NRXN1: variants seen among roughly 807,000 people sequenced by gnomAD.
The protein encoded by NRXN1 is neurexin 1.
NRXN1 carries 39 observed loss-of-function variants against 150.9 expected under a neutral mutation model. The ratio of observed to expected loss-of-function variants is 0.26; its 90% CI spans 0.20 to 0.34. The LOEUF is 0.34. NRXN1 is among the 10% of genes least tolerant of loss of function. NRXN1 has a pLI of 1.00. For synonymous variants in NRXN1, 924 were observed against 757.0 expected, an observed-to-expected ratio of 1.22 and a Z score of -3.62; for missense variants, 1,815 against 1,949.9, an observed-to-expected ratio of 0.93 and a Z score of 1.30.
chr2:50,845,373 C>G (rs1056318020), intron 5 of NRXN1, among the ~76,000 whole-genome samples: 75 of 152,164 alleles, frequency 4.9e-4, no homozygotes, highest in African/African-American at 1.5e-3. Flanking sequence ...TCACATCAGT[C>G]TTATCTGGTA....
At chr2:50,502,461 C>T (rs35874387) in intron 13 of NRXN1, among the ~76,000 whole-genome samples, 78 of 151,788 alleles carry the variant, frequency 5.1e-4, no homozygotes, top group African/African-American at 1.8e-3. Context: ...CACACGCATA[C>T]CCACACACAC....
chr2:50,677,294 T>G (rs1689693210), intron 5 of NRXN1, among the ~76,000 whole-genome samples: 1 of 152,172 alleles, frequency 6.6e-6, no homozygotes, highest in African/African-American at 2.4e-5. Flanking sequence ...CCAACATAAT[T>G]GATATTCTCT....
intron 5 of NRXN1, among the ~76,000 whole-genome samples, chr2:50,756,593 G>A (rs1354245963): frequency 6.6e-6 from 1 of 151,762 alleles, no homozygotes; most frequent in Non-Finnish European, 1.5e-5. Flanking sequence ...CGTGTGCATT[G>A]CAGAATTATT....
At chr2:50,980,904 T>C (rs1407827282) in intron 2 of NRXN1, among the ~76,000 whole-genome samples, 1 of 152,066 alleles carries the variant, frequency 6.6e-6, no homozygotes, top group Non-Finnish European at 1.5e-5. Context: ...TAAATCTCAA[T>C]ATACCCTGCT....
intron 5 of NRXN1, among the ~76,000 whole-genome samples, chr2:50,758,881 T>G (rs144163938): frequency 1.3e-5 from 2 of 152,068 alleles, no homozygotes; most frequent in East Asian, 3.9e-4. Context: ...ACGAGGATTC[T>G]TTCCAAGGCA....
intron 17 of NRXN1, among the ~76,000 whole-genome samples, chr2:50,306,480 G>A (rs1415863128): frequency 6.6e-6 from 1 of 152,174 alleles, no homozygotes; most frequent in Admixed American, 6.5e-5. Context: ...CAGAGGAGAA[G>A]CTATTTTATA....
chr2:49,931,026 C>T (rs188753751), intron 22 of NRXN1, among the ~76,000 whole-genome samples: 37 of 152,202 alleles, frequency 2.4e-4, no homozygotes, highest in Admixed American at 2.4e-3. Flanking sequence ...CCTAGCTACT[C>T]GAGTCCGAGG....
intron 5 of NRXN1, among the ~76,000 whole-genome samples, chr2:50,792,148 A>G (rs991096204): frequency 3.3e-5 from 5 of 152,186 alleles, no homozygotes; most frequent in African/African-American, 1.2e-4. Flanking sequence ...ACTTTGGGTA[A>G]GACATAATCT....
At chr2:50,953,992 C>G (rs572034538) in intron 2 of NRXN1, among the ~76,000 whole-genome samples, 1 of 152,112 alleles carries the variant, frequency 6.6e-6, no homozygotes, top group Admixed American at 6.5e-5. Flanking sequence ...TCAATACTTT[C>G]TAAGCATTCA....
rs1667980042 is a variant in NRXN1 at position 49,920,350 on chromosome 2, C to CAGAG, written c.*1590_*1593dup. ...AAATGTTCATCATGCACATCAGATT[C>CAGAG]AGAGATATATATATTATTTTATTAG... On this transcript the variant is annotated 3_prime_UTR_variant, in exon 23 of 23. Transcript: ENST00000401669. 1 of 152,452 alleles carries CAGAG rather than the reference C, an allele frequency of 6.6e-6. No homozygotes were observed. Among genetic ancestry groups the CAGAG allele is most frequent in the Non-Finnish European group, 1.5e-5 (1 of 68,016 alleles). The allele number at this position is 152,452 out of a possible 1,614,324, so 9.4% of individuals were successfully genotyped here.
At chr2:50,481,318 A>G (rs1000443406) in intron 15 of NRXN1, among the ~76,000 whole-genome samples, 7 of 152,212 alleles carry the variant, frequency 4.6e-5, no homozygotes, top group Non-Finnish European at 8.8e-5. Context: ...AAGCAAGCTA[A>G]CAAATTCCTG....
At chr2:50,213,213 A>G (rs2063156902) in intron 18 of NRXN1, among the ~76,000 whole-genome samples, 1 of 152,036 alleles carries the variant, frequency 6.6e-6, no homozygotes, top group East Asian at 1.9e-4. Context: ...TATAAAATGA[A>G]CATTTACAAT....
chr2:50,777,137 C>G (rs1354474709), intron 5 of NRXN1, among the ~76,000 whole-genome samples: 1 of 151,902 alleles, frequency 6.6e-6, no homozygotes, highest in Non-Finnish European at 1.5e-5. Context: ...TGAATATTTG[C>G]TTTTTTAAGT....
intron 16 of NRXN1, among the ~76,000 whole-genome samples, chr2:50,468,243 T>C (rs900865795): frequency 7.3e-5 from 11 of 151,602 alleles, no homozygotes; most frequent in African/African-American, 2.2e-4. Flanking sequence ...ACTCTAAAAA[T>C]AGTAAAACTA....
chr2:49,945,725 T>C (rs1672775028), intron 21 of NRXN1, among the ~76,000 whole-genome samples: 1 of 152,172 alleles, frequency 6.6e-6, no homozygotes, highest in South Asian at 2.1e-4. Flanking sequence ...ACTCATCCTT[T>C]TTTATGGCTG....
intron 5 of NRXN1, among the ~76,000 whole-genome samples, chr2:50,628,057 T>C (rs1244935142): frequency 6.6e-6 from 1 of 151,846 alleles, no homozygotes; most frequent in Non-Finnish European, 1.5e-5. Context: ...TTATAAAGTT[T>C]TGGAGCTTGA....
At chr2:50,379,173 T>A (rs571684901) in intron 17 of NRXN1, among the ~76,000 whole-genome samples, 1 of 151,930 alleles carries the variant, frequency 6.6e-6, no homozygotes, top group Admixed American at 6.6e-5. Flanking sequence ...AGGAAGAAGA[T>A]AAAAGAGATG....
chr2:50,435,853 C>G (rs1196196575), intron 17 of NRXN1, among the ~76,000 whole-genome samples: 1 of 152,098 alleles, frequency 6.6e-6, no homozygotes, highest in African/African-American at 2.4e-5. Context: ...CTGTTGGTTA[C>G]TATGCTTATT....
intron 17 of NRXN1, among the ~76,000 whole-genome samples, chr2:50,440,110 T>C (rs886800113): frequency 2.6e-5 from 4 of 152,124 alleles, no homozygotes; most frequent in Admixed American, 1.3e-4. Flanking sequence ...ATTTGTTCCG[T>C]TGGAAGCAAG....
Sources: gnomAD v4.1 joint callset for allele counts (sites outside exome capture counted in the v4.1 genomes callset) on GRCh38, gnomAD v4.1.1 for gene constraint, MANE v1.5 for transcripts, NCBI Gene and HGNC (gene_info 2026-07-23, HGNC 2026-07-21) for gene names.